MAP2K6: variants seen among roughly 807,000 people sequenced by gnomAD.
MAP2K6 encodes mitogen-activated protein kinase kinase 6, also known as dual specificity mitogen-activated protein kinase kinase 6.
MAP2K6 carries 16 observed loss-of-function variants against 53.7 expected under a neutral mutation model. The ratio of observed to expected loss-of-function variants is 0.30; its 90% CI spans 0.20 to 0.45. The LOEUF is 0.45. Ranked by LOEUF, MAP2K6 falls within the 20% of genes least tolerant of loss-of-function variation. The pLI is 1.00. For missense variants in MAP2K6, 204 were observed against 411.9 expected (o/e 0.50, Z 4.37); for synonymous variants, 132 against 143.1 (o/e 0.92, Z 0.55).
intron 7 of MAP2K6, among the ~76,000 whole-genome samples, chr17:69,522,071 T>C (rs72855587): frequency 0.031 from 4,725 of 152,180 alleles, 203 homozygotes; most frequent in African/African-American, 0.094. Context: ...ATTGTGGTGA[T>C]TGTAGTCAGG....
chr17:69,429,454 TGA>T (rs911521624), intron 1 of MAP2K6, among the ~76,000 whole-genome samples: 22 of 148,914 alleles, frequency 1.5e-4, no homozygotes, highest in African/African-American at 5.4e-4. Flanking sequence ...AAAAGGAGAG[TGA>T]GAGAGAGAGA....
intron 1 of MAP2K6, among the ~76,000 whole-genome samples, chr17:69,430,643 T>TA (rs1175054554): frequency 6.6e-6 from 1 of 152,156 alleles, no homozygotes; most frequent in Non-Finnish European, 1.5e-5. Context: ...AGCCCGGACT[T>TA]ATCTTCCATG....
chr17:69,512,908 A>G (rs1181502796), intron 2 of MAP2K6, among the ~76,000 whole-genome samples: 2 of 152,196 alleles, frequency 1.3e-5, no homozygotes, highest in Admixed American at 1.3e-4. Flanking sequence ...ATTATAAATG[A>G]ATAATTATCA....
intron 1 of MAP2K6, among the ~76,000 whole-genome samples, chr17:69,492,697 G>C (rs67361810): frequency 0.043 from 6,585 of 151,960 alleles, 421 homozygotes; most frequent in East Asian, 0.15. Flanking sequence ...CTCCTCTCTG[G>C]GTGTGTCTAC....
In MAP2K6 at chr17:69,511,439, A is replaced by G. The variant is rs560520546; in HGVS notation, c.84-5416A>G. 1.5e-3 allele frequency among the ~76,000 whole-genome samples: 227 copies of G among 152,286 alleles called. 1 individual carries two copies. Among genetic ancestry groups the G allele is most frequent in the African/African-American group, 5.4e-3 (223 of 41,552 alleles). The stretch of plus-strand genomic sequence containing the variant: ...TCACAAAAATAAATAGGCCTTGACA[A>G]AGCTCCATTCTCCCGAGTTCAACGT... On this transcript the variant is annotated intron_variant, in intron 2 of 11. Transcript: ENST00000590474.
intron 5 of MAP2K6, 38 bp downstream of exon 5, chr17:69,519,470 T>C (rs1230449205): frequency 1.2e-6 from 2 of 1,611,026 alleles, no homozygotes; most frequent in Non-Finnish European, 1.7e-6. Context: ...AGAGGAACAA[T>C]AACTTAAAAA....
rs1374267740 is a variant in MAP2K6 at position 69,545,370 on chromosome 17, T to A, written c.*3617T>A. ...GTCCTGATGTGGGGGAATAATCTATTTTTTCTAAAGACTGTGTTTGGTCAC... is the reference window on the plus strand; with the variant it reads ...GTCCTGATGTGGGGGAATAATCTATATTTTCTAAAGACTGTGTTTGGTCAC... On this transcript the variant is annotated 3_prime_UTR_variant, in exon 12 of 12. Coordinates refer to ENST00000590474, the MANE Select transcript of MAP2K6 (RefSeq NM_002758.4). 6.6e-6 allele frequency: 1 copy of A among 152,220 alleles called. No individual in the cohort carries two copies. Among genetic ancestry groups the A allele is most frequent in the East Asian group, 1.9e-4 (1 of 5,202 alleles). The allele number at this position is 152,220 out of a possible 1,614,324, so 9.4% of individuals were successfully genotyped here.
intron 1 of MAP2K6, among the ~76,000 whole-genome samples, chr17:69,422,589 A>G (rs1463470509): frequency 6.6e-6 from 1 of 152,174 alleles, no homozygotes; most frequent in East Asian, 1.9e-4. Flanking sequence ...CCCCAGGTGG[A>G]GCTGCTGATC....
At chr17:69,496,277 T>G (rs1448411270) in intron 1 of MAP2K6, among the ~76,000 whole-genome samples, 1 of 150,048 alleles carries the variant, frequency 6.7e-6, no homozygotes, top group Admixed American at 6.6e-5. Flanking sequence ...TTCCCTTCTT[T>G]TTTTTTTTTT....
intron 1 of MAP2K6, chr17:69,504,672 C>T (rs911636887): frequency 6.5e-6 from 1 of 153,156 alleles, no homozygotes; most frequent in Non-Finnish European, 1.5e-5. Flanking sequence ...GAGGAAAACC[C>T]CAGGCCCTTG....
At chr17:69,420,774 T>C (rs1906053518) in intron 1 of MAP2K6, among the ~76,000 whole-genome samples, 1 of 152,210 alleles carries the variant, frequency 6.6e-6, no homozygotes, top group African/African-American at 2.4e-5. Flanking sequence ...TATTTCACAT[T>C]TTTAGCTTTG....
At chr17:69,506,750 C>G (rs551389425) in intron 2 of MAP2K6, among the ~76,000 whole-genome samples, 1 of 152,284 alleles carries the variant, frequency 6.6e-6, no homozygotes, top group Non-Finnish European at 1.5e-5. Context: ...GTTAAAGCCA[C>G]TGGTCCTTGC....
At chr17:69,444,198 C>A (rs1906902815) in intron 1 of MAP2K6, among the ~76,000 whole-genome samples, 1 of 152,026 alleles carries the variant, frequency 6.6e-6, no homozygotes, top group African/African-American at 2.4e-5. Flanking sequence ...TGGGATTCCC[C>A]CCTTTCATCC....
chr17:69,472,214 A>T (rs993438633), intron 1 of MAP2K6, among the ~76,000 whole-genome samples: 4 of 152,164 alleles, frequency 2.6e-5, no homozygotes, highest in African/African-American at 9.7e-5. Context: ...AGAAGCTCAA[A>T]TCTCAGCATT....
intron 1 of MAP2K6, among the ~76,000 whole-genome samples, chr17:69,456,104 G>A (rs924549045): frequency 7.2e-5 from 11 of 152,008 alleles, no homozygotes; most frequent in Admixed American, 2.0e-4. Flanking sequence ...CAGTAGATCC[G>A]CCCGCATCGG....
At chr17:69,527,968 T>G (rs1474502726) in intron 10 of MAP2K6, among the ~76,000 whole-genome samples, 1 of 151,664 alleles carries the variant, frequency 6.6e-6, no homozygotes, top group African/African-American at 2.4e-5. Flanking sequence ...ATACAAAAAA[T>G]TAACTGGGCA....
chr17:69,424,989 A>C (rs866070577), intron 1 of MAP2K6, among the ~76,000 whole-genome samples: 2 of 152,248 alleles, frequency 1.3e-5, no homozygotes, highest in Non-Finnish European at 2.9e-5. Flanking sequence ...AGGTTGTATC[A>C]CACAGAAACT....
chr17:69,514,951 T>G (rs1227382515), intron 2 of MAP2K6, among the ~76,000 whole-genome samples: 2 of 152,194 alleles, frequency 1.3e-5, no homozygotes, highest in Non-Finnish European at 2.9e-5. Flanking sequence ...AAAATCCTCA[T>G]TGGCAAAGGT....
chr17:69,503,922 G>A (rs529835585), intron 1 of MAP2K6, among the ~76,000 whole-genome samples: 11 of 152,170 alleles, frequency 7.2e-5, no homozygotes, highest in Non-Finnish European at 2.9e-5. Flanking sequence ...TGCGTGATGC[G>A]TGGAAGAACC....
Sources: gnomAD v4.1 joint callset for allele counts (sites outside exome capture counted in the v4.1 genomes callset) on GRCh38, gnomAD v4.1.1 for gene constraint, MANE v1.5 for transcripts, NCBI Gene and HGNC (gene_info 2026-07-23, HGNC 2026-07-21) for gene names.